Variants in AGPAT5 observed in about 807,000 individuals in gnomAD.
AGPAT5 encodes the protein 1-acyl-sn-glycerol-3-phosphate acyltransferase epsilon.
Under a neutral mutation model 45.6 loss-of-function variants are expected in AGPAT5, and 46 were observed. The observed-to-expected ratio is 1.01, with a 90% CI of 0.80 to 1.29. AGPAT5 has a LOEUF of 1.29. AGPAT5 is among the 50% of genes most tolerant of loss of function. The pLI is 0.00. For synonymous variants in AGPAT5, 272 were observed against 167.0 expected (o/e 1.63, Z -4.85); for missense variants, 673 against 450.7 (o/e 1.49, Z -4.47).
chr8:6,743,939 G>A (rs1018743041), intron 5 of AGPAT5, among the ~76,000 whole-genome samples: 11 of 152,066 alleles, frequency 7.2e-5, no homozygotes, highest in African/African-American at 1.9e-4. Flanking sequence ...TAACACTGGC[G>A]ATTGTAGAGA....
In AGPAT5 at chr8:6,747,867, A is replaced by G. The variant is rs569977158; in HGVS notation, c.745+39A>G. 237 of 1,597,446 alleles carry G rather than the reference A, an allele frequency of 1.5e-4. 2 individuals carry two copies. The South Asian group carries it at 2.5e-3, about 17-fold the overall frequency. On this transcript the variant is annotated intron_variant, in intron 6 of 7. Transcript: ENST00000285518. ...CGCACCTGAAATGCCTGTACACGGTATATACAGTGCACATGTTTATGTAGA... is the reference window on the plus strand; with the variant it reads ...CGCACCTGAAATGCCTGTACACGGTGTATACAGTGCACATGTTTATGTAGA...
At chr8:6,741,571 G>A in intron 4 of AGPAT5, 90 bp from the exon 5 acceptor site, 2 of 826,528 alleles carry the variant, frequency 2.4e-6, no homozygotes. Context: ...GAAATACTCT[G>A]TTAGCATTAG....
chr8:6,735,343 C>A (rs945040516), intron 4 of AGPAT5, among the ~76,000 whole-genome samples: 4 of 152,166 alleles, frequency 2.6e-5, no homozygotes, highest in Non-Finnish European at 5.9e-5. Context: ...TACATCCAGT[C>A]TTCCCTGACC....
chr8:6,732,695 C>T (rs777479219), intron 4 of AGPAT5, 45 bp downstream of exon 4: 1 of 1,428,202 alleles, frequency 7.0e-7, no homozygotes, highest in Non-Finnish European at 9.5e-7. Context: ...CTCTCAGTTT[C>T]TAAATTTAAG....
At chr8:6,712,092 C>T (rs571788906) in intron 1 of AGPAT5, among the ~76,000 whole-genome samples, 184 of 152,278 alleles carry the variant, frequency 1.2e-3, no homozygotes, top group African/African-American at 4.3e-3. Flanking sequence ...GTAGTTATTT[C>T]GTAGTTTAAC....
At chr8:6,728,060 G>C (rs1304535076) in intron 2 of AGPAT5, among the ~76,000 whole-genome samples, 1 of 152,214 alleles carries the variant, frequency 6.6e-6, no homozygotes, top group Non-Finnish European at 1.5e-5. Context: ...TGCACATGCA[G>C]TATCTCTTGG....
chr8:6,729,493 C>G (rs576794074), intron 2 of AGPAT5, among the ~76,000 whole-genome samples: 2 of 127,366 alleles, frequency 1.6e-5, no homozygotes, highest in African/African-American at 6.6e-5. Context: ...TGTGTATTAA[C>G]TAGAGAAGTC....
chr8:6,722,544 G>A (rs916546819), intron 1 of AGPAT5, among the ~76,000 whole-genome samples: 8 of 152,180 alleles, frequency 5.3e-5, no homozygotes, highest in African/African-American at 1.9e-4. Flanking sequence ...AAGGTGTTAA[G>A]CATGTGATTA....
rs558653498 is a variant in AGPAT5, at chr8:6,732,828, A to G, written c.495+178A>G. 2.4e-4 allele frequency among the ~76,000 whole-genome samples: 37 copies of G among 152,368 alleles called. 1 individual carries two copies. In the South Asian group the frequency reaches 6.8e-3, roughly 28 times the overall value. On this transcript the variant is annotated intron_variant, in intron 4 of 7. Transcript: ENST00000285518. ...CAGGTAGGCAGGTTTTTCAGCCATC[A>G]GAAAGATTGCTGTAAACAACTAGGT...
chr8:6,731,583 T>C (rs995336362), intron 3 of AGPAT5, among the ~76,000 whole-genome samples: 1 of 152,170 alleles, frequency 6.6e-6, no homozygotes, highest in East Asian at 1.9e-4. Context: ...TTGTTGAATC[T>C]GCAGATGTGG....
At chr8:6,752,438 C>G (rs376628033) in intron 6 of AGPAT5, among the ~76,000 whole-genome samples, 1 of 152,050 alleles carries the variant, frequency 6.6e-6, no homozygotes, top group Non-Finnish European at 1.5e-5. Context: ...AACAGCTGTA[C>G]ATGTCAGTAT....
intron 1 of AGPAT5, among the ~76,000 whole-genome samples, chr8:6,714,378 A>G (rs539688734): frequency 1.3e-5 from 2 of 152,364 alleles, no homozygotes; most frequent in East Asian, 3.9e-4. Flanking sequence ...ATTCCAGTCT[A>G]ACACAATTAA....
chr8:6,727,763 G>A (rs1000118859), intron 2 of AGPAT5, among the ~76,000 whole-genome samples: 4 of 152,192 alleles, frequency 2.6e-5, no homozygotes, highest in Admixed American at 1.3e-4. Context: ...CATGCGTGGT[G>A]AGTAGAATGT....
chr8:6,744,623 C>A (rs1237805703), intron 5 of AGPAT5, among the ~76,000 whole-genome samples: 4 of 152,178 alleles, frequency 2.6e-5, no homozygotes, highest in Non-Finnish European at 5.9e-5. Flanking sequence ...GTCCAGTGCT[C>A]TGCTTTTACC....
At chr8:6,757,134 A>G (rs747803799) in intron 7 of AGPAT5, 29 bp from the exon 8 acceptor site, 2 of 1,575,272 alleles carry the variant, frequency 1.3e-6, no homozygotes, top group African/African-American at 2.7e-5. Context: ...AAGTGACTAA[A>G]ATCTAAACTT....
At chr8:6,713,099 C>A (rs955921759) in intron 1 of AGPAT5, among the ~76,000 whole-genome samples, 1 of 152,126 alleles carries the variant, frequency 6.6e-6, no homozygotes, top group African/African-American at 2.4e-5. Flanking sequence ...TTCAAGTGAT[C>A]CTCCGGAGTA....
chr8:6,737,893 C>T (rs181061259), intron 4 of AGPAT5, among the ~76,000 whole-genome samples: 2 of 152,304 alleles, frequency 1.3e-5, no homozygotes, highest in East Asian at 1.9e-4. Context: ...CTGCTAGCTT[C>T]TAAGTTTTTT....
At chr8:6,739,146 CTA>C (rs145838978) in intron 4 of AGPAT5, among the ~76,000 whole-genome samples, 1 of 151,140 alleles carries the variant, frequency 6.6e-6, no homozygotes, top group Non-Finnish European at 1.5e-5. Flanking sequence ...TTATATTGAT[CTA>C]TATATATATA....
chr8:6,710,582 C>T (rs977931555), intron 1 of AGPAT5, among the ~76,000 whole-genome samples: 2 of 152,090 alleles, frequency 1.3e-5, no homozygotes, highest in South Asian at 2.1e-4. Flanking sequence ...GTTTCTTGTT[C>T]CTGCATTTTT....
Sources: allele counts gnomAD v4.1 joint callset (sites outside exome capture counted in the v4.1 genomes callset), GRCh38; gene constraint gnomAD v4.1.1; transcripts MANE v1.5; gene names NCBI Gene and HGNC (gene_info 2026-07-23, HGNC 2026-07-21).